The following CNTN5 variants were observed in gnomAD, a reference collection of about 807,000 sequenced individuals.
CNTN5 encodes the protein contactin 5.
CNTN5 carries 77 observed loss-of-function variants against 129.1 expected under a neutral mutation model. That is an observed-to-expected ratio of 0.60 (90% CI 0.50 to 0.72). The LOEUF is 0.72. Ranked by LOEUF, CNTN5 falls within the 30% of genes least tolerant of loss-of-function variation. The pLI is 0.00. For synonymous variants in CNTN5, 509 were observed against 465.6 expected (o/e 1.09, Z -1.20); for missense variants, 1,478 against 1,328.8 (o/e 1.11, Z -1.75).
At chr11:99,922,023 T>A (rs1220524974) in intron 7 of CNTN5, among the ~76,000 whole-genome samples, 1 of 152,202 alleles carries the variant, frequency 6.6e-6, no homozygotes, top group African/African-American at 2.4e-5. Flanking sequence ...AGAAACAGAA[T>A]ATATTAGTCC....
chr11:99,608,923 A>G (rs1245767707), intron 3 of CNTN5, among the ~76,000 whole-genome samples: 1 of 152,196 alleles, frequency 6.6e-6, no homozygotes, highest in Non-Finnish European at 1.5e-5. Flanking sequence ...AGCAATGGAC[A>G]TAGACATTGC....
At chr11:99,291,663 T>C (rs940676734) in intron 1 of CNTN5, among the ~76,000 whole-genome samples, 2 of 152,036 alleles carry the variant, frequency 1.3e-5, no homozygotes, top group Admixed American at 1.3e-4. Flanking sequence ...GAAAAGTGAA[T>C]ACTTTGTTCT....
chr11:99,269,313 A>T (rs555015469), intron 1 of CNTN5, among the ~76,000 whole-genome samples: 1 of 151,804 alleles, frequency 6.6e-6, no homozygotes, highest in Non-Finnish European at 1.5e-5. Flanking sequence ...TAATAGTTTA[A>T]TGATATATAC....
intron 2 of CNTN5, among the ~76,000 whole-genome samples, chr11:99,459,183 A>G (rs1488544005): frequency 6.6e-6 from 1 of 152,016 alleles, no homozygotes; most frequent in African/African-American, 2.4e-5. Context: ...AAAAGAAAGA[A>G]ATGATAGTTT....
intron 2 of CNTN5, among the ~76,000 whole-genome samples, chr11:99,372,836 T>G (rs185287469): frequency 6.6e-6 from 1 of 152,370 alleles, no homozygotes; most frequent in Non-Finnish European, 1.5e-5. Flanking sequence ...TATTTTGTTT[T>G]GTTTTGTTAC....
intron 8 of CNTN5, among the ~76,000 whole-genome samples, chr11:100,000,208 C>T (rs1939770515): frequency 6.6e-6 from 1 of 152,034 alleles, no homozygotes; most frequent in Non-Finnish European, 1.5e-5. Flanking sequence ...TCCAAAGTCT[C>T]ATTTGAGACA....
intron 4 of CNTN5, among the ~76,000 whole-genome samples, chr11:99,843,202 T>A (rs906442173): frequency 2.6e-5 from 4 of 152,058 alleles, no homozygotes; most frequent in Admixed American, 1.3e-4. Flanking sequence ...CTAGACAGAG[T>A]GGGAGTGAGA....
At chr11:99,823,440 C>G (rs140752020) in intron 4 of CNTN5, among the ~76,000 whole-genome samples, 1 of 151,696 alleles carries the variant, frequency 6.6e-6, no homozygotes, top group Non-Finnish European at 1.5e-5. Flanking sequence ...CTTCTTTGTT[C>G]TCCTTTATAT....
chr11:99,644,172 G>A (rs1024935678), intron 3 of CNTN5, among the ~76,000 whole-genome samples: 9 of 152,076 alleles, frequency 5.9e-5, no homozygotes, highest in Non-Finnish European at 7.3e-5. Flanking sequence ...TGTCTCTAGC[G>A]TAGAAAGAGG....
At chr11:99,808,728 G>A (rs115122153) in intron 3 of CNTN5, among the ~76,000 whole-genome samples, 232 of 151,992 alleles carry the variant, frequency 1.5e-3, no homozygotes, top group African/African-American at 4.8e-3. Context: ...GTGAGAAATC[G>A]CCAAAGCTCG....
At chr11:99,732,795 T>A (rs1258425497) in intron 3 of CNTN5, among the ~76,000 whole-genome samples, 1 of 152,102 alleles carries the variant, frequency 6.6e-6, no homozygotes, top group Non-Finnish European at 1.5e-5. Flanking sequence ...TTAACTGACA[T>A]GAGGAATAGT....
chr11:99,930,606 A>T (rs1950168501), intron 7 of CNTN5, among the ~76,000 whole-genome samples: 1 of 152,142 alleles, frequency 6.6e-6, no homozygotes, highest in Admixed American at 6.5e-5. Flanking sequence ...ATGGTCTGAA[A>T]TTTTACTAAA....
chr11:99,411,539 C>CA (rs535738351), intron 2 of CNTN5, among the ~76,000 whole-genome samples: 8 of 149,114 alleles, frequency 5.4e-5, no homozygotes, highest in African/African-American at 1.2e-4. Flanking sequence ...TAAATAAATA[C>CA]AAAAAATTTT....
At chr11:99,449,633 T>C (rs1944216451) in intron 2 of CNTN5, among the ~76,000 whole-genome samples, 1 of 152,298 alleles carries the variant, frequency 6.6e-6, no homozygotes, top group East Asian at 1.9e-4. Flanking sequence ...TGTTCCTACA[T>C]GGACTCACTG....
chr11:100,067,476 A>ATT (rs200903304), intron 10 of CNTN5, among the ~76,000 whole-genome samples: 1,494 of 147,622 alleles, frequency 0.01, 20 homozygotes, highest in African/African-American at 0.031. Context: ...CCATTTCAGG[A>ATT]TTTTTTTTTT....
chr11:99,492,585 G>A (rs923641364), intron 2 of CNTN5, among the ~76,000 whole-genome samples: 14 of 152,028 alleles, frequency 9.2e-5, no homozygotes, highest in Non-Finnish European at 1.8e-4. Context: ...TTTAAAATTT[G>A]GTTTGGTTCT....
At chr11:100,090,427 G>GCCTTCCTTCCTTCCTT (rs202075446) in intron 13 of CNTN5, among the ~76,000 whole-genome samples, 41 of 148,554 alleles carry the variant, frequency 2.8e-4, no homozygotes, top group African/African-American at 9.7e-4. Flanking sequence ...TTTTCTGCCT[G>GCCTTCCTTCCTTCCTT]CCTGCCTTCC....
chr11:100,113,035 C>CA (rs1945706092), intron 13 of CNTN5, among the ~76,000 whole-genome samples: 1 of 152,040 alleles, frequency 6.6e-6, no homozygotes, highest in African/African-American at 2.4e-5. Flanking sequence ...TAGAGTTAAA[C>CA]ATAGAATATT....
chr11:100,232,420 A>T (rs988668430), intron 16 of CNTN5, among the ~76,000 whole-genome samples: 8 of 152,220 alleles, frequency 5.3e-5, no homozygotes, highest in Non-Finnish European at 8.8e-5. Flanking sequence ...TCAGTGAATT[A>T]AGAAACTTGG....
Sources: allele counts gnomAD v4.1 joint callset (sites outside exome capture counted in the v4.1 genomes callset), GRCh38; gene constraint gnomAD v4.1.1; transcripts MANE v1.5; gene names NCBI Gene and HGNC (gene_info 2026-07-23, HGNC 2026-07-21).